Variants in ABCA10 observed in about 807,000 individuals in gnomAD.
ABCA10 encodes the protein ATP binding cassette subfamily A member 10.
Under a neutral mutation model 187.5 loss-of-function variants are expected in ABCA10, and 169 were observed. That is an observed-to-expected ratio of 0.90 (90% confidence interval 0.80 to 1.02). The LOEUF is 1.02. Ranked by LOEUF, ABCA10 falls within the 50% of genes least tolerant of loss-of-function variation. The pLI, the probability that ABCA10 is intolerant of heterozygous loss-of-function variation, is 0.00. For missense variants in ABCA10, 1,727 were observed against 1,812.4 expected, an observed-to-expected ratio of 0.95 and a Z score of 0.86; for synonymous variants, 574 against 601.8, an observed-to-expected ratio of 0.95 and a Z score of 0.68.
intron 26 of ABCA10, 95 bp downstream of exon 26, chr17:69,164,869 A>T: frequency 7.0e-7 from 1 of 1,423,330 alleles, no homozygotes. Context: ...AATAACTTCA[A>T]AATTTTATAA....
rs201614041 is a variant in ABCA10 at position 69,185,545 on chromosome 17, A to C, written c.2429T>G (p.Met810Arg). 1.2e-6 allele frequency: 2 copies of C among 1,613,612 alleles called. No homozygotes were observed. The highest frequency in any genetic ancestry group is 2.2e-5 in the South Asian group (2 of 91,026). Residue 810 changes from methionine to arginine, a missense_variant, in exon 20 of 39, where the codon ATG becomes AGG. Transcript: ENST00000690296. ...ETHCWEFSPS[M>R]YFLSLEQIPK... Reference sequence around the variant, plus strand: ...GATTTGTTCCAGAGAAAGGAAATACATACTGGGTGAAAACTCCCAACAATG... The same window carrying C: ...GATTTGTTCCAGAGAAAGGAAATACCTACTGGGTGAAAACTCCCAACAATG...
intron 27 of ABCA10, among the ~76,000 whole-genome samples, chr17:69,161,454 G>A (rs77239079): frequency 0.073 from 11,093 of 152,160 alleles, 537 homozygotes; most frequent in Admixed American, 0.15. Context: ...AAAAATAATT[G>A]CAGTTGTTTT....
intron 9 of ABCA10, among the ~76,000 whole-genome samples, chr17:69,209,192 A>G (rs4968787): frequency 0.08 from 12,242 of 152,288 alleles, 650 homozygotes; most frequent in Admixed American, 0.16. Context: ...GTAATTTTTT[A>G]AATTATCAAA....
chr17:69,216,067 G>C, intron 7 of ABCA10, 67 bp from the exon 8 acceptor site: 1 of 1,562,762 alleles, frequency 6.4e-7, no homozygotes, highest in Non-Finnish European at 8.6e-7. Context: ...AATATTCATC[G>C]ATTTCTCACA....
chr17:69,216,503 G>T, intron 6 of ABCA10, 145 bp from the exon 7 acceptor site: 2 of 866,816 alleles, frequency 2.3e-6, no homozygotes, highest in Non-Finnish European at 1.7e-6. Context: ...GTGACTATTA[G>T]CAAGTTATTT....
Position 69,202,743 on chromosome 17 carries a change from A to G in ABCA10, c.1007-1075T>C, listed in dbSNP as rs1236828910. ...TTCTCAGGTAGAAGGGGCTCTATGT[A>G]TAATCAATTAAAAATGGCTTGACAG... On this transcript the variant is annotated intron_variant, in intron 9 of 38. Transcript: ENST00000690296. 3.3e-5 allele frequency among the ~76,000 whole-genome samples: 5 copies of G among 151,466 alleles called. No individual in the cohort carries two copies. In the East Asian group the frequency reaches 9.6e-4, roughly 29 times the overall value.
chr17:69,206,337 T>G (rs1464674962), intron 9 of ABCA10, among the ~76,000 whole-genome samples: 2 of 152,124 alleles, frequency 1.3e-5, no homozygotes, highest in Admixed American at 6.5e-5. Context: ...ATCAATAAGG[T>G]GTGGAATAGG....
intron 36 of ABCA10, 175 bp from the exon 37 acceptor site, chr17:69,150,238 A>G: frequency 2.0e-6 from 1 of 493,846 alleles, no homozygotes; most frequent in South Asian, 3.2e-5. Flanking sequence ...TTATAACAAC[A>G]AAAATCTGGT....
At chr17:69,148,975 A>C in intron 38 of ABCA10, 50 bp from the exon 39 acceptor site, 1 of 1,613,060 alleles carries the variant, frequency 6.2e-7, no homozygotes, top group South Asian at 1.1e-5. Context: ...GTGTGTCTGA[A>C]AGATGGATTC....
At chr17:69,151,864 C>G (rs1020634651) in intron 36 of ABCA10, among the ~76,000 whole-genome samples, 179 bp downstream of exon 36, 1 of 152,186 alleles carries the variant, frequency 6.6e-6, no homozygotes, top group African/African-American at 2.4e-5. Context: ...AGGTCTAAAA[C>G]ACTCACTGAA....
chr17:69,197,391 AAAG>A (rs1419302427), intron 10 of ABCA10, among the ~76,000 whole-genome samples: 11 of 152,304 alleles, frequency 7.2e-5, no homozygotes, highest in Non-Finnish European at 8.8e-5. Context: ...TTGAAAAAAA[AAAG>A]AAGGAAAGAA....
chr17:69,174,478 C>G, intron 24 of ABCA10, 84 bp from the exon 25 acceptor site: 1 of 1,439,918 alleles, frequency 6.9e-7, no homozygotes. Context: ...GGTCATAAAG[C>G]TGCCTAAGGC....
intron 12 of ABCA10, 34 bp from the exon 13 acceptor site, chr17:69,194,023 G>T: frequency 6.6e-7 from 1 of 1,526,002 alleles, no homozygotes; most frequent in Non-Finnish European, 8.9e-7. Context: ...TTTACTGCCA[G>T]AATGTTAATT....
chr17:69,239,169 G>A (rs2074889441), intron 1 of ABCA10, among the ~76,000 whole-genome samples: 1 of 152,142 alleles, frequency 6.6e-6, no homozygotes, highest in Non-Finnish European at 1.5e-5. Context: ...GGGCTCAGCA[G>A]AGTCAGAGAA....
intron 19 of ABCA10, 35 bp downstream of exon 19, chr17:69,187,646 C>T: frequency 6.3e-7 from 1 of 1,577,960 alleles, no homozygotes; most frequent in Admixed American, 1.8e-5. Context: ...TTTTCATATA[C>T]TGACCAAATA....
intron 16 of ABCA10, among the ~76,000 whole-genome samples, chr17:69,191,942 G>C (rs2074463518): frequency 6.6e-6 from 1 of 152,208 alleles, no homozygotes; most frequent in Non-Finnish European, 1.5e-5. Context: ...TATAACTACA[G>C]AAATTTAGGC....
chr17:69,175,177 A>T (rs1389736765), intron 23 of ABCA10, among the ~76,000 whole-genome samples: 1 of 152,132 alleles, frequency 6.6e-6, no homozygotes, highest in Non-Finnish European at 1.5e-5. Context: ...CCTGAAGTTT[A>T]TTTAGCATGA....
intron 25 of ABCA10, among the ~76,000 whole-genome samples, chr17:69,168,325 A>T (rs143197427): frequency 6.6e-6 from 1 of 152,138 alleles, no homozygotes; most frequent in Non-Finnish European, 1.5e-5. Flanking sequence ...TCAAGGGTCA[A>T]ATATATTTTG....
At chr17:69,173,219 C>T (rs2074310354) in intron 25 of ABCA10, among the ~76,000 whole-genome samples, 1 of 152,116 alleles carries the variant, frequency 6.6e-6, no homozygotes, top group South Asian at 2.1e-4. Flanking sequence ...GTAGTACAAC[C>T]ATTGATAAAA....
Sources: gnomAD v4.1 joint callset for allele counts (sites outside exome capture counted in the v4.1 genomes callset) on GRCh38, gnomAD v4.1.1 for gene constraint, MANE v1.5 for transcripts, NCBI Gene and HGNC (gene_info 2026-07-23, HGNC 2026-07-21) for gene names.